Variants in COL21A1 observed in about 807,000 individuals in gnomAD.
COL21A1 encodes collagen type XXI alpha 1 chain, also known as collagen alpha-1(XXI) chain.
Under a neutral mutation model 137.9 loss-of-function variants are expected in COL21A1, and 149 were observed. That is an observed-to-expected ratio of 1.08 (90% CI 0.95 to 1.24). COL21A1 has a LOEUF of 1.24. Ranked by LOEUF, COL21A1 falls within the 50% of genes most tolerant of loss-of-function variation. The pLI is 0.00. For missense variants in COL21A1, 1,167 were observed against 1,158.4 expected (o/e 1.01, Z -0.11); for synonymous variants, 456 against 391.5 (o/e 1.16, Z -1.95).
chr6:56,372,626 AT>A (rs1340222837), intron 1 of COL21A1, among the ~76,000 whole-genome samples: 1 of 152,228 alleles, frequency 6.6e-6, no homozygotes, highest in African/African-American at 2.4e-5. Flanking sequence ...CAAAAAGGGA[AT>A]TTATCAGCTT....
intron 17 of COL21A1, among the ~76,000 whole-genome samples, chr6:56,100,959 T>C (rs550721696): frequency 1.3e-5 from 2 of 152,332 alleles, no homozygotes; most frequent in South Asian, 4.1e-4. Flanking sequence ...TGCTGGTATT[T>C]AAATGTTGGC....
intron 1 of COL21A1, among the ~76,000 whole-genome samples, chr6:56,261,262 C>T (rs1291768820): frequency 6.6e-6 from 1 of 152,122 alleles, no homozygotes; most frequent in East Asian, 1.9e-4. Context: ...CTCTTGCCTG[C>T]CTCACCCGAA....
At chr6:56,088,020 G>A (rs1181914619) in intron 17 of COL21A1, among the ~76,000 whole-genome samples, 1 of 152,072 alleles carries the variant, frequency 6.6e-6, no homozygotes, top group African/African-American at 2.4e-5. Context: ...AAAAGCTGGA[G>A]AATTGATAAA....
At chr6:56,175,686 T>A (rs1777415349) in intron 3 of COL21A1, among the ~76,000 whole-genome samples, 1 of 152,108 alleles carries the variant, frequency 6.6e-6, no homozygotes, top group Admixed American at 6.5e-5. Context: ...GACAATATTA[T>A]TTAAAAAGTC....
chr6:56,138,391 T>C (rs186465337), intron 12 of COL21A1, among the ~76,000 whole-genome samples: 1 of 151,632 alleles, frequency 6.6e-6, no homozygotes, highest in African/African-American at 2.4e-5. Flanking sequence ...TAAAATCTCT[T>C]AATGAGGAAG....
chr6:56,208,890 T>C (rs1030210064), intron 1 of COL21A1, among the ~76,000 whole-genome samples: 1 of 152,150 alleles, frequency 6.6e-6, no homozygotes, highest in Non-Finnish European at 1.5e-5. Flanking sequence ...AACCATCTTA[T>C]CTTTGACAAA....
rs1402895519 is a variant in COL21A1 at position 56,182,646 on chromosome 6, T to C, written c.-28A>G. ...TTCTGTTTTCGTTCTAATATTTTGG[T>C]TTTAGGATTCCTAGGGGGAAAAAAA... On this transcript the variant is annotated 5_prime_UTR_variant, in exon 2 of 30. Coordinates refer to ENST00000244728, the MANE Select transcript of COL21A1 (RefSeq NM_030820.4). 2 of 1,511,196 alleles carry C rather than the reference T, an allele frequency of 1.3e-6. No homozygotes were observed. Among genetic ancestry groups the C allele is most frequent in the East Asian group, 2.3e-5 (1 of 43,496 alleles). 93.6% of individuals were successfully genotyped at this position (1,511,196 alleles called of 1,614,324 possible).
rs567374779 is a variant in COL21A1 at position 56,311,525 on chromosome 6, C to G, written c.-39+82446G>C. On this transcript the variant is annotated intron_variant, in intron 1 of 28. Coordinates refer to the COL21A1 transcript ENST00000370819. ...CAAAGTAACTTTTCTTTAAATGGAC[C>G]TGTAGTACCACTCCAGATTTTTATA... Among the ~76,000 whole-genome samples, 9 of 152,250 alleles carry G rather than the reference C, an allele frequency of 5.9e-5. No individual in the cohort carries two copies. In the South Asian group the frequency reaches 1.2e-3, roughly 21 times the overall value.
intron 1 of COL21A1, among the ~76,000 whole-genome samples, chr6:56,195,478 T>C (rs1778960544): frequency 6.6e-6 from 1 of 151,934 alleles, no homozygotes; most frequent in Non-Finnish European, 1.5e-5. Context: ...GTGAGTATTT[T>C]AATATATATT....
intron 17 of COL21A1, among the ~76,000 whole-genome samples, chr6:56,090,927 G>T (rs145550809): frequency 1.3e-5 from 2 of 152,184 alleles, no homozygotes; most frequent in East Asian, 3.9e-4. Context: ...AAAAAGGGGT[G>T]AGAAAAAGTA....
At chr6:56,308,312 C>T (rs1196150526) in intron 1 of COL21A1, among the ~76,000 whole-genome samples, 4 of 152,220 alleles carry the variant, frequency 2.6e-5, no homozygotes, top group Non-Finnish European at 4.4e-5. Flanking sequence ...AGACATTGAA[C>T]ACTATTGCCT....
chr6:56,171,576 C>A (rs1012802513), intron 3 of COL21A1, among the ~76,000 whole-genome samples: 7 of 151,932 alleles, frequency 4.6e-5, no homozygotes, highest in East Asian at 3.9e-4. Flanking sequence ...CACTAAAATT[C>A]TTTTCTTGCA....
intron 1 of COL21A1, among the ~76,000 whole-genome samples, chr6:56,346,397 G>A (rs1234201545): frequency 2.6e-5 from 4 of 152,190 alleles, no homozygotes; most frequent in Non-Finnish European, 4.4e-5. Context: ...TTCCACTCAC[G>A]TTGTTGCAGG....
chr6:56,124,630 T>TTTTG (rs10624734), intron 14 of COL21A1, among the ~76,000 whole-genome samples: 92,035 of 150,496 alleles, frequency 0.61, 28,302 homozygotes, highest in East Asian at 0.82. Flanking sequence ...TGGACATGTT[T>TTTTG]TTTGTTTGTT....
intron 1 of COL21A1, among the ~76,000 whole-genome samples, chr6:56,232,597 C>A (rs1212593061): frequency 6.6e-6 from 1 of 151,924 alleles, no homozygotes; most frequent in African/African-American, 2.4e-5. Context: ...TGGTGTAAAG[C>A]AGAAACAGCT....
At chr6:56,347,318 C>T (rs1413933234) in intron 1 of COL21A1, among the ~76,000 whole-genome samples, 1 of 152,022 alleles carries the variant, frequency 6.6e-6, no homozygotes, top group Non-Finnish European at 1.5e-5. Context: ...CCTACTGGCC[C>T]TTTCCCACCC....
At chr6:56,362,572 G>T (rs1199269209) in intron 1 of COL21A1, among the ~76,000 whole-genome samples, 1 of 152,040 alleles carries the variant, frequency 6.6e-6, no homozygotes, top group Non-Finnish European at 1.5e-5. Flanking sequence ...CGCTGATTTT[G>T]GCTCTCCCTC....
Position 56,166,893 on chromosome 6 carries a change from C to A in COL21A1, c.1278+13G>T. The stretch of plus-strand genomic sequence containing the variant: ...AAGCAACATCTGGGAAAAAAACAAT[C>A]CCTCCTACTTACAAATCCAGGAATC... On this transcript the variant is annotated intron_variant, in intron 7 of 29. Coordinates refer to ENST00000244728, the MANE Select transcript of COL21A1 (RefSeq NM_030820.4). 6.2e-7 allele frequency: 1 copy of A among 1,605,058 alleles called. No individual in the cohort carries two copies. Among genetic ancestry groups the A allele is most frequent in the East Asian group, 2.2e-5 (1 of 44,778 alleles).
At chr6:56,195,049 A>T (rs2152293548) in intron 1 of COL21A1, among the ~76,000 whole-genome samples, 1 of 152,304 alleles carries the variant, frequency 6.6e-6, no homozygotes, top group African/African-American at 2.4e-5. Flanking sequence ...TAGCATGCTC[A>T]GTCCCCTCAC....
Sources: gnomAD v4.1 joint callset for allele counts (sites outside exome capture counted in the v4.1 genomes callset) on GRCh38, gnomAD v4.1.1 for gene constraint, MANE v1.5 for transcripts, NCBI Gene and HGNC (gene_info 2026-07-23, HGNC 2026-07-21) for gene names.